The following PAQR5 variants were observed in gnomAD, a reference collection of about 807,000 sequenced individuals.
The protein encoded by PAQR5 is membrane progestin receptor gamma.
PAQR5 carries 20 observed loss-of-function variants against 34.5 expected under a neutral mutation model. That is an observed-to-expected ratio of 0.58 (90% CI 0.41 to 0.84). PAQR5 has a LOEUF of 0.84. Ranked by LOEUF, PAQR5 falls within the 40% of genes least tolerant of loss-of-function variation. PAQR5 has a pLI of 0.00. For missense variants in PAQR5, 378 were observed against 412.7 expected, an observed-to-expected ratio of 0.92 and a Z score of 0.73; for synonymous variants, 131 against 155.6, an observed-to-expected ratio of 0.84 and a Z score of 1.18.
chr15:69,381,967 C>T (rs573214672), intron 4 of PAQR5, among the ~76,000 whole-genome samples: 24 of 152,196 alleles, frequency 1.6e-4, no homozygotes, highest in African/African-American at 4.8e-4. Context: ...GCTCTGCAGG[C>T]GGGACCTCAT....
intron 2 of PAQR5, among the ~76,000 whole-genome samples, chr15:69,341,944 C>T (rs2054655245): frequency 8.5e-6 from 1 of 117,736 alleles, no homozygotes; most frequent in South Asian, 2.9e-4. Flanking sequence ...AAAAAAAAAA[C>T]TGTTTCAGCC....
chr15:69,363,732 C>T (rs1160040173), intron 3 of PAQR5, among the ~76,000 whole-genome samples: 2 of 151,736 alleles, frequency 1.3e-5, no homozygotes, highest in Non-Finnish European at 2.9e-5. Context: ...TTTGCATTTT[C>T]AGTAACAACA....
intron 4 of PAQR5, among the ~76,000 whole-genome samples, chr15:69,383,361 G>GC (rs879723928): frequency 0.012 from 1,651 of 141,264 alleles, 1 homozygote; most frequent in East Asian, 0.019. Flanking sequence ...GGGTGAGTGG[G>GC]CCTTTGTGTA....
chr15:69,322,775 A>AG (rs1566998043), intron 1 of PAQR5, among the ~76,000 whole-genome samples: 930 of 4,456 alleles, frequency 0.21, 186 homozygotes, highest in East Asian at 0.41. Context: ...AAGAAGAGGG[A>AG]GAAGAAGAAG....
At chr15:69,301,898 GCA>G (rs2053614122) in intron 1 of PAQR5, among the ~76,000 whole-genome samples, 8 of 76,278 alleles carry the variant, frequency 1.0e-4, no homozygotes, top group Admixed American at 7.5e-4. Context: ...TTTTTTTTTA[GCA>G]CAGTGTTAGG....
At chr15:69,310,854 C>A (rs950382033) in intron 1 of PAQR5, among the ~76,000 whole-genome samples, 2 of 151,294 alleles carry the variant, frequency 1.3e-5, no homozygotes, top group South Asian at 2.1e-4. Context: ...CTGGCTAACA[C>A]GGTGAAACCC....
intron 1 of PAQR5, among the ~76,000 whole-genome samples, chr15:69,306,087 T>A (rs984466812): frequency 2.0e-5 from 3 of 152,092 alleles, no homozygotes; most frequent in Non-Finnish European, 4.4e-5. Flanking sequence ...CCCCTCAGTC[T>A]CAGAGGGAAG....
chr15:69,310,349 T>C (rs2140538270), intron 1 of PAQR5, among the ~76,000 whole-genome samples: 1 of 152,304 alleles, frequency 6.6e-6, no homozygotes, highest in Admixed American at 6.5e-5. Context: ...TTTGTAAGAA[T>C]GTACCCACCT....
chr15:69,403,190 T>C (rs2056688358), intron 8 of PAQR5, among the ~76,000 whole-genome samples: 1 of 152,252 alleles, frequency 6.6e-6, no homozygotes, highest in Non-Finnish European at 1.5e-5. Flanking sequence ...AATTTGGATT[T>C]GGTTTTCTCT....
chr15:69,323,495 G>C (rs1452082683), intron 1 of PAQR5, among the ~76,000 whole-genome samples: 2 of 152,210 alleles, frequency 1.3e-5, no homozygotes, highest in Non-Finnish European at 2.9e-5. Context: ...GGCACATAGA[G>C]TAAGGCTCAC....
chr15:69,311,679 T>C (rs1331955182), intron 1 of PAQR5, among the ~76,000 whole-genome samples: 1 of 152,176 alleles, frequency 6.6e-6, no homozygotes, highest in Admixed American at 6.5e-5. Context: ...CTGCTCAACC[T>C]GCCCTGCTGT....
At chr15:69,399,147 G>A (rs1355827182) in intron 7 of PAQR5, among the ~76,000 whole-genome samples, 1 of 152,208 alleles carries the variant, frequency 6.6e-6, no homozygotes, top group Non-Finnish European at 1.5e-5. Flanking sequence ...ACTTTTGGAT[G>A]ACTCAGAAGG....
intron 6 of PAQR5, among the ~76,000 whole-genome samples, chr15:69,394,175 G>A (rs2056348505): frequency 2.0e-5 from 3 of 150,442 alleles, no homozygotes; most frequent in Non-Finnish European, 4.4e-5. Context: ...GAGCAGTGAG[G>A]GCGAGAGATT....
intron 6 of PAQR5, among the ~76,000 whole-genome samples, chr15:69,396,061 T>C (rs377346738): frequency 2.1e-4 from 32 of 151,732 alleles, no homozygotes; most frequent in African/African-American, 7.5e-4. Flanking sequence ...TCAGACCTGC[T>C]TCTGTGCTGG....
intron 8 of PAQR5, among the ~76,000 whole-genome samples, chr15:69,400,394 T>C (rs2056588548): frequency 6.6e-6 from 1 of 152,156 alleles, no homozygotes; most frequent in African/African-American, 2.4e-5. Context: ...TGGAATCCCA[T>C]GATTAAGTGA....
intron 2 of PAQR5, among the ~76,000 whole-genome samples, chr15:69,347,662 C>T (rs1480579823): frequency 2.6e-5 from 4 of 152,094 alleles, no homozygotes; most frequent in Admixed American, 6.5e-5. Context: ...AATATCATAG[C>T]GAGTGACTCA....
intron 1 of PAQR5, among the ~76,000 whole-genome samples, chr15:69,304,762 C>A (rs1432435446): frequency 6.6e-6 from 1 of 152,178 alleles, no homozygotes; most frequent in Non-Finnish European, 1.5e-5. Context: ...CTCTGATTAT[C>A]TGGGAACCCT....
At chr15:69,323,485 G>A (rs2054175844) in intron 1 of PAQR5, among the ~76,000 whole-genome samples, 1 of 152,172 alleles carries the variant, frequency 6.6e-6, no homozygotes, top group Admixed American at 6.5e-5. Flanking sequence ...GCAGGATGGG[G>A]GCACATAGAG....
chr15:69,353,417 T>C (rs1265868866), intron 2 of PAQR5, among the ~76,000 whole-genome samples: 1 of 152,230 alleles, frequency 6.6e-6, no homozygotes, highest in Non-Finnish European at 1.5e-5. Context: ...AATATTGCTT[T>C]TGACAAAGAA....
Sources: allele counts gnomAD v4.1 joint callset (sites outside exome capture counted in the v4.1 genomes callset), GRCh38; gene constraint gnomAD v4.1.1; transcripts MANE v1.5; gene names NCBI Gene and HGNC (gene_info 2026-07-23, HGNC 2026-07-21).